ITPR2: variants seen among roughly 807,000 people sequenced by gnomAD.
ITPR2 encodes inositol 1,4,5-trisphosphate receptor type 2.
In ITPR2, 207 loss-of-function variants were observed where a neutral mutation model predicts 317.1. The ratio of observed to expected loss-of-function variants is 0.65; its 90% CI spans 0.58 to 0.73. The LOEUF (loss-of-function observed/expected upper bound fraction) is 0.73, where lower values mean the gene tolerates loss of function less well. Among genes scored for constraint, ITPR2 ranks in the 30% least tolerant of loss-of-function variants. The pLI, the probability that ITPR2 is intolerant of heterozygous loss-of-function variation, is 0.00. For synonymous variants in ITPR2, 1,156 were observed against 1,149.1 expected (o/e 1.01, Z -0.12); for missense variants, 2,613 against 3,284.0 (o/e 0.80, Z 4.99).
intron 1 of ITPR2, among the ~76,000 whole-genome samples, chr12:26,810,298 T>C (rs73080696): frequency 6.6e-6 from 1 of 152,226 alleles, no homozygotes; most frequent in South Asian, 2.1e-4. Flanking sequence ...TTATAGCTTT[T>C]TTTTCATAGT....
intron 37 of ITPR2, among the ~76,000 whole-genome samples, chr12:26,549,836 C>G (rs1944481634): frequency 6.6e-6 from 1 of 151,638 alleles, no homozygotes. Flanking sequence ...TAAAAAATAA[C>G]ATGAATATAT....
At chr12:26,516,285 G>GGGAAGGGAAAGGAAAGGAAAGGAAA (rs1943504560) in intron 37 of ITPR2, among the ~76,000 whole-genome samples, 2 of 42,838 alleles carry the variant, frequency 4.7e-5, no homozygotes, top group African/African-American at 2.4e-4. Context: ...GGGAAGGGAA[G>GGGAAGGGAAAGGAAAGGAAAGGAAA]GGAAAGGAAA....
At chr12:26,494,036 T>C in intron 39 of ITPR2, 117 bp downstream of exon 39, 1 of 697,630 alleles carries the variant, frequency 1.4e-6, no homozygotes, top group Non-Finnish European at 2.2e-6. Context: ...ATGGATTTTT[T>C]TTTTTTTAGA....
At chr12:26,597,561 C>T (rs968924119) in intron 30 of ITPR2, among the ~76,000 whole-genome samples, 1 of 152,052 alleles carries the variant, frequency 6.6e-6, no homozygotes, top group Non-Finnish European at 1.5e-5. Flanking sequence ...GAAGCAAGTA[C>T]ATTGAGCTAA....
At chr12:26,772,109 A>C (rs1949855199) in intron 2 of ITPR2, among the ~76,000 whole-genome samples, 1 of 151,902 alleles carries the variant, frequency 6.6e-6, no homozygotes, top group Admixed American at 6.6e-5. Flanking sequence ...TCAGTATTAT[A>C]CTCGAAAGAA....
intron 55 of ITPR2, among the ~76,000 whole-genome samples, chr12:26,384,837 T>G (rs1291199644): frequency 7.9e-5 from 12 of 152,196 alleles, no homozygotes; most frequent in African/African-American, 2.4e-4. Flanking sequence ...TATTGTCTCC[T>G]TTCTTGCTTC....
chr12:26,660,261 A>T (rs1373640872), intron 15 of ITPR2, among the ~76,000 whole-genome samples: 1 of 152,184 alleles, frequency 6.6e-6, no homozygotes, highest in Admixed American at 6.5e-5. Flanking sequence ...GGGCAAAGAG[A>T]TTGTGCTAAA....
chr12:26,822,322 T>C (rs1950948700), intron 1 of ITPR2, among the ~76,000 whole-genome samples: 1 of 152,174 alleles, frequency 6.6e-6, no homozygotes, highest in Non-Finnish European at 1.5e-5. Context: ...TCACTTCCTT[T>C]AGTCTTCCCT....
intron 55 of ITPR2, among the ~76,000 whole-genome samples, chr12:26,383,609 G>C (rs947666622): frequency 2.0e-5 from 3 of 150,950 alleles, no homozygotes; most frequent in African/African-American, 7.3e-5. Flanking sequence ...TCAGCCTCCC[G>C]AGTAGCTGGG....
At chr12:26,543,438 C>A (rs1272632154) in intron 37 of ITPR2, among the ~76,000 whole-genome samples, 1 of 151,914 alleles carries the variant, frequency 6.6e-6, no homozygotes, top group Admixed American at 6.6e-5. Context: ...AAGAGAGTGT[C>A]ATGGAAATAA....
chr12:26,606,155 T>C (rs1054652720), intron 26 of ITPR2, among the ~76,000 whole-genome samples: 3 of 150,528 alleles, frequency 2.0e-5, no homozygotes, highest in Admixed American at 6.7e-5. Flanking sequence ...TGTAGAAGTA[T>C]GACTTATGCA....
chr12:26,642,271 T>C (rs1050394459), intron 21 of ITPR2, among the ~76,000 whole-genome samples: 61 of 152,348 alleles, frequency 4.0e-4, no homozygotes, highest in African/African-American at 1.3e-3. Flanking sequence ...CTGCTATGAC[T>C]TGAATGTGTC....
At chr12:26,469,271 A>G (rs1289438591) in intron 45 of ITPR2, among the ~76,000 whole-genome samples, 1 of 152,226 alleles carries the variant, frequency 6.6e-6, no homozygotes, top group Non-Finnish European at 1.5e-5. Flanking sequence ...AGACTATCTT[A>G]TAATAAATAA....
chr12:26,686,222 A>G (rs1408663803), intron 11 of ITPR2, among the ~76,000 whole-genome samples: 2 of 152,052 alleles, frequency 1.3e-5, no homozygotes, highest in Non-Finnish European at 2.9e-5. Flanking sequence ...TTTAGTAACC[A>G]AAGGCCATAC....
chr12:26,461,103 G>A (rs1174293392), intron 45 of ITPR2, among the ~76,000 whole-genome samples: 1 of 152,188 alleles, frequency 6.6e-6, no homozygotes, highest in African/African-American at 2.4e-5. Flanking sequence ...AGCAATCGGA[G>A]AAAGAACCTC....
intron 50 of ITPR2, among the ~76,000 whole-genome samples, chr12:26,416,521 G>A (rs1375811789): frequency 6.6e-6 from 1 of 152,068 alleles, no homozygotes; most frequent in Non-Finnish European, 1.5e-5. Context: ...TCAGGACCTT[G>A]TCTATTTTTT....
intron 45 of ITPR2, among the ~76,000 whole-genome samples, chr12:26,467,363 C>T (rs904397549): frequency 2.0e-5 from 3 of 151,694 alleles, no homozygotes; most frequent in Admixed American, 1.3e-4. Context: ...CTCTATCTCT[C>T]TCTCTCTCTC....
At chr12:26,379,498 C>T (rs935030483) in intron 55 of ITPR2, among the ~76,000 whole-genome samples, 4 of 152,150 alleles carry the variant, frequency 2.6e-5, no homozygotes, top group African/African-American at 9.7e-5. Context: ...CAGTTATACC[C>T]AGTACCAATA....
chr12:26,392,416 C>G (rs942907682), intron 54 of ITPR2, among the ~76,000 whole-genome samples: 1 of 152,138 alleles, frequency 6.6e-6, no homozygotes, highest in African/African-American at 2.4e-5. Context: ...AGTATTCCTT[C>G]TTCAAGCTTC....
Sources: allele counts gnomAD v4.1 joint callset (sites outside exome capture counted in the v4.1 genomes callset), GRCh38; gene constraint gnomAD v4.1.1; transcripts MANE v1.5; gene names NCBI Gene and HGNC (gene_info 2026-07-23, HGNC 2026-07-21).